Variants in PON2 observed in about 807,000 individuals in gnomAD.
PON2 encodes the protein paraoxonase 2.
In PON2, 27 loss-of-function variants were observed where a neutral mutation model predicts 36.6. The observed-to-expected ratio is 0.74, with a 90% CI of 0.54 to 1.02. The LOEUF is 1.02. Among genes scored for constraint, PON2 ranks in the 50% least tolerant of loss-of-function variants. The probability of loss-of-function intolerance (pLI) is 0.00; values close to 1 mark genes in which losing one functional copy is unlikely to be tolerated. For synonymous variants in PON2, 149 were observed against 156.3 expected (o/e 0.95, Z 0.35); for missense variants, 363 against 421.1 (o/e 0.86, Z 1.21).
intron 1 of PON2, among the ~76,000 whole-genome samples, chr7:95,424,919 GA>G (rs1206711095): frequency 6.6e-6 from 1 of 152,110 alleles, no homozygotes; most frequent in Non-Finnish European, 1.5e-5. Context: ...GGTGTTGTGG[GA>G]AAAGAGTTCC....
intron 1 of PON2, among the ~76,000 whole-genome samples, chr7:95,432,245 G>T (rs1789459955): frequency 6.6e-6 from 1 of 152,072 alleles, no homozygotes; most frequent in African/African-American, 2.4e-5. Flanking sequence ...CCCTGTCTCT[G>T]CAAGAAATAA....
chr7:95,429,564 T>C (rs1162983523), intron 1 of PON2, among the ~76,000 whole-genome samples: 2 of 152,120 alleles, frequency 1.3e-5, no homozygotes, highest in Admixed American at 6.5e-5. Flanking sequence ...CCATCCAGAG[T>C]AGAATGAGAC....
chr7:95,412,297 C>T lies in PON2; in HGVS notation c.367+15G>A. The stretch of plus-strand genomic sequence containing the variant: ...ATCACACGTTACTAAATGTTGGTAG[C>T]CCATTGGCTCTTACCGTTGTCTATG... On this transcript the variant is annotated intron_variant, in intron 4 of 8. Coordinates refer to ENST00000222572, the MANE Select transcript of PON2 (RefSeq NM_000305.3). 1 of 1,613,852 alleles carries T rather than the reference C, an allele frequency of 6.2e-7. No homozygotes were observed. Among genetic ancestry groups the T allele is most frequent in the Non-Finnish European group, 8.5e-7 (1 of 1,179,766 alleles).
chr7:95,434,759 C>A (rs1789523985), intron 1 of PON2, 119 bp downstream of exon 1: 12 of 1,152,410 alleles, frequency 1.0e-5, no homozygotes, highest in African/African-American at 1.6e-5. Flanking sequence ...AATTCTCCAC[C>A]CCCGGCCGCA....
rs774413190 is a variant in PON2, at chr7:95,405,499, G to A, written c.907-11C>T. ...CTGGATGCGGAGAACCTATTCAGGG[G>A]ATACAAAGTATGAATATAAGACCAC... On this transcript the variant is annotated splice_polypyrimidine_tract_variant and intron_variant, in intron 8 of 8. Transcript: ENST00000222572. 3.1e-6 allele frequency: 5 copies of A among 1,610,122 alleles called. No homozygotes were observed. The highest frequency in any genetic ancestry group is 1.3e-5 in the African/African-American group (1 of 74,868).
chr7:95,406,992 A>C lies in PON2; in HGVS notation c.772T>G (p.Leu258Val), dbSNP rs1254571812. 1.3e-6 allele frequency: 2 copies of C among 1,530,538 alleles called. No homozygotes were observed. Among genetic ancestry groups the C allele is most frequent in the East Asian group, 2.3e-5 (1 of 44,268 alleles). The allele number at this position is 1,530,538 out of a possible 1,614,324, so 94.8% of individuals were successfully genotyped here. Reference sequence around the variant, plus strand: ...TGTAAAAATAAATATTTTACCTTCAACTGAGTTAAATTCATATTAGTGTGT... The same window carrying C: ...TGTAAAAATAAATATTTTACCTTCACCTGAGTTAAATTCATATTAGTGTGT... ...EKHTNMNLTQ[L>V]KVLELDTLVD... Residue 258 changes from leucine to valine, a missense_variant, in exon 7 of 9, where the codon TTG (leucine) becomes GTG (valine). Transcript: ENST00000222572.
chr7:95,409,244 G>A (rs749513290), intron 6 of PON2, among the ~76,000 whole-genome samples: 4 of 151,964 alleles, frequency 2.6e-5, no homozygotes, highest in African/African-American at 9.7e-5. Flanking sequence ...CCCAGGAGGC[G>A]GAGGTTGAGG....
rs1471738347 is a variant in PON2, at chr7:95,410,058, T to G, written c.538A>C (p.Thr180Pro). 6.2e-7 allele frequency: 1 copy of G among 1,613,734 alleles called. No individual in the cohort carries two copies. The highest frequency in any genetic ancestry group is 1.3e-5 in the African/African-American group (1 of 74,906). The change falls in exon 6 of 9, where the codon ACA (threonine) becomes CCA (proline). Residue 180 changes from threonine to proline, a missense_variant. Physicochemically the swap from Thr to Pro is conservative, Grantham distance 38. Transcript: ENST00000222572. Reference sequence around the variant, plus strand: ...GGATCAGAGAAGTAGTGGTCATTTGTGGCATAGAAATGTGCCGGTCCAACA... The same window carrying G: ...GGATCAGAGAAGTAGTGGTCATTTGGGGCATAGAAATGTGCCGGTCCAACA... The part of the protein sequence containing the change: ...TAVGPAHFYA[T>P]NDHYFSDPFL...
intron 2 of PON2, 199 bp from the exon 3 acceptor site, chr7:95,416,496 G>C: frequency 1.6e-6 from 1 of 615,216 alleles, no homozygotes; most frequent in Admixed American, 2.9e-5. Context: ...TTAAATGTTA[G>C]ATATTTTATG....
chr7:95,420,923 A>G (rs560335340), intron 2 of PON2, among the ~76,000 whole-genome samples: 28 of 152,330 alleles, frequency 1.8e-4, no homozygotes, highest in African/African-American at 6.7e-4. Context: ...ACCATTATGC[A>G]TCACTAACAT....
chr7:95,419,899 A>G (rs1481020167), intron 2 of PON2, among the ~76,000 whole-genome samples: 1 of 152,102 alleles, frequency 6.6e-6, no homozygotes, highest in Non-Finnish European at 1.5e-5. Flanking sequence ...AAAAATAAAC[A>G]TCTCTTTTCT....
At chr7:95,425,265 G>A (rs1789290283) in intron 1 of PON2, among the ~76,000 whole-genome samples, 1 of 152,160 alleles carries the variant, frequency 6.6e-6, no homozygotes, top group African/African-American at 2.4e-5. Flanking sequence ...GAAGGTTGGA[G>A]AACACCAACT....
chr7:95,416,195 C>T (rs766742793), intron 3 of PON2, 47 bp downstream of exon 3: 2 of 1,611,268 alleles, frequency 1.2e-6, no homozygotes, highest in Non-Finnish European at 1.7e-6. Flanking sequence ...TCATCAAATA[C>T]CCTTGTATCT....
intron 3 of PON2, among the ~76,000 whole-genome samples, chr7:95,414,166 C>T (rs1417589926): frequency 6.6e-6 from 1 of 152,102 alleles, no homozygotes; most frequent in East Asian, 1.9e-4. Context: ...TATTCTATGT[C>T]ATCCAATTCT....
intron 3 of PON2, among the ~76,000 whole-genome samples, chr7:95,413,859 G>A (rs762140849): frequency 6.6e-6 from 1 of 152,160 alleles, no homozygotes; most frequent in Non-Finnish European, 1.5e-5. Flanking sequence ...AGCCTGGTAA[G>A]TAGAACAAAC....
chr7:95,411,876 A>G, intron 4 of PON2, 97 bp from the exon 5 acceptor site: 1 of 1,319,098 alleles, frequency 7.6e-7, no homozygotes, highest in South Asian at 1.2e-5. Flanking sequence ...GGAAAGGTTG[A>G]ATGTATAAGC....
chr7:95,424,605 A>G lies in PON2; in HGVS notation c.75-20T>C. 6.3e-7 allele frequency: 1 copy of G among 1,580,718 alleles called. No individual in the cohort carries two copies. Among genetic ancestry groups the G allele is most frequent in the South Asian group, 1.1e-5 (1 of 90,334 alleles). On this transcript the variant is annotated intron_variant, in intron 1 of 8. Coordinates refer to ENST00000222572, the MANE Select transcript of PON2 (RefSeq NM_000305.3). ...CGATTTCTGTTACAAAGAAAAAAAA[A>G]CAAAAAACAAAAAACTATTTGTTTA...
At chr7:95,424,471 G>T in intron 2 of PON2, 44 bp downstream of exon 2, 1 of 1,513,608 alleles carries the variant, frequency 6.6e-7, no homozygotes, top group Non-Finnish European at 9.2e-7. Flanking sequence ...AATGTTAATG[G>T]CCAAAAAATG....
At chr7:95,424,658 G>T (rs940988878) in intron 1 of PON2, 73 bp from the exon 2 acceptor site, 3 of 1,173,660 alleles carry the variant, frequency 2.6e-6, no homozygotes, top group African/African-American at 3.0e-5. Context: ...TTTAGAAAGG[G>T]TTTAAAGAGG....
Sources: gnomAD v4.1 joint callset for allele counts (sites outside exome capture counted in the v4.1 genomes callset) on GRCh38, gnomAD v4.1.1 for gene constraint, MANE v1.5 for transcripts, NCBI Gene and HGNC (gene_info 2026-07-23, HGNC 2026-07-21) for gene names.